Variants in BMPER observed in about 807,000 individuals in gnomAD.
The protein encoded by BMPER is BMP binding endothelial regulator, also known as BMP-binding endothelial regulator protein.
Under a neutral mutation model 87.3 loss-of-function variants are expected in BMPER, and 45 were observed. That is an observed-to-expected ratio of 0.52 (90% CI 0.41 to 0.66). The LOEUF is 0.66. Ranked by LOEUF, BMPER falls within the 30% of genes least tolerant of loss-of-function variation. The pLI is 0.00. For synonymous variants in BMPER, 326 were observed against 316.2 expected (o/e 1.03, Z -0.33); for missense variants, 784 against 867.5 (o/e 0.90, Z 1.21).
At chr7:34,099,548 A>T (rs1244377507) in intron 13 of BMPER, among the ~76,000 whole-genome samples, 5 of 152,282 alleles carry the variant, frequency 3.3e-5, no homozygotes, top group East Asian at 1.9e-4. Context: ...TTTTAAATAA[A>T]CCGATTTTAT....
In BMPER at chr7:34,116,438, A is replaced by G. The variant is rs190124933; in HGVS notation, c.1746-26792A>G. ...GAGAAAGAAACTTGTAGGATATTAGATCTTTAAAGAAGTTGGTGTTTCAGA... is the reference window on the plus strand; with the variant it reads ...GAGAAAGAAACTTGTAGGATATTAGGTCTTTAAAGAAGTTGGTGTTTCAGA... On this transcript the variant is annotated intron_variant, in intron 13 of 14. Transcript: ENST00000649409. 3.7e-3 allele frequency among the ~76,000 whole-genome samples: 568 copies of G among 152,258 alleles called. 2 individuals carry two copies. The highest frequency in any genetic ancestry group is 0.013 in the African/African-American group (544 of 41,530).
chr7:34,152,926 T>C (rs572924603), intron 14 of BMPER, among the ~76,000 whole-genome samples, 166 bp from the exon 15 acceptor site: 2 of 152,308 alleles, frequency 1.3e-5, no homozygotes, highest in Admixed American at 6.5e-5. Flanking sequence ...CCCAGAGTGT[T>C]TGAAGAATGT....
intron 13 of BMPER, among the ~76,000 whole-genome samples, chr7:34,092,467 T>C (rs1021273304): frequency 1.3e-5 from 2 of 152,206 alleles, no homozygotes; most frequent in African/African-American, 4.8e-5. Context: ...TCTTCTTGTA[T>C]GGTGTTACAA....
In BMPER at chr7:33,992,747, G is replaced by A. The variant is rs1017888365; in HGVS notation, c.576+17963G>A. 5.4e-5 allele frequency among the ~76,000 whole-genome samples: 8 copies of A among 149,354 alleles called. No homozygotes were observed. The South Asian group carries it at 6.6e-4, about 12-fold the overall frequency. On this transcript the variant is annotated intron_variant, in intron 6 of 14. Transcript: ENST00000649409. ...TTACATTTTGGCATGATTTTGCAGC[G>A]GCTGGTACCGGTTGCTCCTTTCCAT...
At chr7:34,091,399 C>G (rs1789376188) in intron 13 of BMPER, among the ~76,000 whole-genome samples, 1 of 152,134 alleles carries the variant, frequency 6.6e-6, no homozygotes, top group South Asian at 2.1e-4. Flanking sequence ...GAACTAGGGT[C>G]CTAAATCAAA....
At chr7:34,048,773 A>G (rs2127959125) in intron 7 of BMPER, among the ~76,000 whole-genome samples, 1 of 152,330 alleles carries the variant, frequency 6.6e-6, no homozygotes, top group South Asian at 2.1e-4. Context: ...AAGAAACTTG[A>G]AAATCTCTTT....
intron 3 of BMPER, among the ~76,000 whole-genome samples, chr7:33,941,894 C>T (rs1414205445): frequency 6.6e-6 from 1 of 152,134 alleles, no homozygotes; most frequent in African/African-American, 2.4e-5. Flanking sequence ...CTGAATTCTC[C>T]TGTATTTTGA....
rs542224843 is a variant in BMPER at position 34,123,959 on chromosome 7, G to A, written c.1746-19271G>A. On this transcript the variant is annotated intron_variant, in intron 13 of 14. Coordinates refer to ENST00000649409, the MANE Select transcript of BMPER (RefSeq NM_001365308.1). The stretch of plus-strand genomic sequence containing the variant: ...TATCTTTTCATTTAATTATCCATGG[G>A]GCACAGCATATAATTTAATGCTTGG... Among the ~76,000 whole-genome samples, 45 of 152,140 alleles carry A rather than the reference G, an allele frequency of 3.0e-4. No homozygotes were observed. The South Asian group carries it at 8.1e-3, about 27-fold the overall frequency.
At chr7:33,919,363 A>T (rs2128603979) in intron 2 of BMPER, among the ~76,000 whole-genome samples, 1 of 152,336 alleles carries the variant, frequency 6.6e-6, no homozygotes, top group South Asian at 2.1e-4. Flanking sequence ...ATTGCGATGT[A>T]CCTGAATGAG....
intron 6 of BMPER, among the ~76,000 whole-genome samples, chr7:33,998,696 G>C (rs1585722282): frequency 6.6e-6 from 1 of 152,192 alleles, no homozygotes; most frequent in East Asian, 1.9e-4. Context: ...GGCTGTTGTT[G>C]TTGGCTGGAT....
chr7:34,092,690 C>T (rs1265626076), intron 13 of BMPER, among the ~76,000 whole-genome samples: 1 of 152,102 alleles, frequency 6.6e-6, no homozygotes, highest in Non-Finnish European at 1.5e-5. Context: ...CCAAGTCACC[C>T]AAAACAAGGA....
rs186879513 is a variant in BMPER, at chr7:33,941,072, T to A, written c.319+3684T>A. 6.0e-3 allele frequency among the ~76,000 whole-genome samples: 812 copies of A among 135,442 alleles called. 9 individuals carry two copies. The highest frequency in any genetic ancestry group is 0.021 in the African/African-American group (769 of 36,098). The allele number at this position is 135,442 out of a possible 152,430, so 88.9% of individuals were successfully genotyped here. ...TTTATATGTAATATATTACATATAA[T>A]TTATATATTTATATATAATTTATAT... On this transcript the variant is annotated intron_variant, in intron 3 of 14. Transcript: ENST00000649409.
Position 34,058,143 on chromosome 7 carries a change from C to A in BMPER, c.1012C>A (p.Pro338Thr). The change falls in exon 10 of 15, where the codon CCC (proline) becomes ACC (threonine). Residue 338 changes from proline (P) to threonine (T), a missense_variant. By Grantham distance (38) the Pro-to-Thr change is conservative. Coordinates refer to ENST00000649409, the MANE Select transcript of BMPER (RefSeq NM_001365308.1). The stretch of plus-strand genomic sequence containing the variant: ...GGAGTGTCGCAATAAGCAGTGCATT[C>A]CCATCAGTAGCTGCCCACAGGTATG... ...RTECRNKQCI[P>T]ISSCPQGKIL... The A allele has an allele frequency of 6.2e-7, 1 of 1,613,986 alleles. No homozygotes were observed. The highest frequency in any genetic ancestry group is 8.5e-7 in the Non-Finnish European group (1 of 1,179,880).
intron 6 of BMPER, among the ~76,000 whole-genome samples, chr7:34,028,950 A>G (rs1787454262): frequency 6.6e-6 from 1 of 152,038 alleles, no homozygotes; most frequent in African/African-American, 2.4e-5. Context: ...TTATCTAAAG[A>G]CAGAATTAGA....
chr7:34,111,947 G>T (rs1274498029), intron 13 of BMPER, among the ~76,000 whole-genome samples: 2 of 151,980 alleles, frequency 1.3e-5, no homozygotes, highest in Non-Finnish European at 2.9e-5. Context: ...CCCGACCTCA[G>T]GTGATCCGCC....
intron 11 of BMPER, among the ~76,000 whole-genome samples, chr7:34,068,327 T>C (rs1788648053): frequency 6.6e-6 from 1 of 152,244 alleles, no homozygotes; most frequent in Admixed American, 6.5e-5. Context: ...CCTTGTCATT[T>C]TGTACAGTTT....
chr7:33,993,292 T>C (rs997371804), intron 6 of BMPER, among the ~76,000 whole-genome samples: 1 of 151,846 alleles, frequency 6.6e-6, no homozygotes, highest in African/African-American at 2.4e-5. Context: ...CATAGTCCCA[T>C]ATTTCTTGGA....
chr7:33,916,234 G>T (rs1262345446), intron 2 of BMPER, among the ~76,000 whole-genome samples: 1 of 152,240 alleles, frequency 6.6e-6, no homozygotes, highest in African/African-American at 2.4e-5. Context: ...GGCTTAGGAA[G>T]ATGGGTTGCT....
chr7:33,994,864 A>T (rs985440279), intron 6 of BMPER, among the ~76,000 whole-genome samples: 2 of 152,160 alleles, frequency 1.3e-5, no homozygotes, highest in African/African-American at 4.8e-5. Context: ...CAGTAAAATA[A>T]GGACTTGTTA....
Sources: gnomAD v4.1 joint callset for allele counts (sites outside exome capture counted in the v4.1 genomes callset) on GRCh38, gnomAD v4.1.1 for gene constraint, MANE v1.5 for transcripts, NCBI Gene and HGNC (gene_info 2026-07-23, HGNC 2026-07-21) for gene names.